EGLN1: variants seen among roughly 807,000 people sequenced by gnomAD.
EGLN1 encodes the protein egl nine homolog 1.
EGLN1 carries 17 observed loss-of-function variants against 38.3 expected under a neutral mutation model. The ratio of observed to expected loss-of-function variants is 0.44; its 90% CI spans 0.30 to 0.67. The LOEUF (loss-of-function observed/expected upper bound fraction) is 0.67. EGLN1 is among the 30% of genes least tolerant of loss of function. The pLI, the probability that EGLN1 is intolerant of heterozygous loss-of-function variation, is 0.08. For missense variants in EGLN1, 477 were observed against 603.3 expected (o/e 0.79, Z 2.19); for synonymous variants, 283 against 257.5 (o/e 1.10, Z -0.95).
At chr1:231,367,392 G>C (rs1687677440) in intron 4 of EGLN1, among the ~76,000 whole-genome samples, 177 bp downstream of exon 4, 1 of 152,126 alleles carries the variant, frequency 6.6e-6, no homozygotes, top group African/African-American at 2.4e-5. Flanking sequence ...TTTGGTTAAA[G>C]ATAACAGTGA....
chr1:231,389,515 A>G (rs963841594), intron 1 of EGLN1, among the ~76,000 whole-genome samples: 8 of 152,230 alleles, frequency 5.3e-5, no homozygotes, highest in African/African-American at 1.9e-4. Flanking sequence ...CACATTCCTC[A>G]TGGACTGTAA....
At chr1:231,391,254 A>G (rs1483270584) in intron 1 of EGLN1, among the ~76,000 whole-genome samples, 1 of 130,002 alleles carries the variant, frequency 7.7e-6, no homozygotes, top group Non-Finnish European at 1.7e-5. Flanking sequence ...CCCAGCTGGT[A>G]TATCTTTAAA....
At chr1:231,411,700 A>G (rs756391880) in intron 1 of EGLN1, among the ~76,000 whole-genome samples, 1 of 152,008 alleles carries the variant, frequency 6.6e-6, no homozygotes, top group East Asian at 1.9e-4. Flanking sequence ...TCCTATGCTC[A>G]AAAGTCCTGG....
intron 1 of EGLN1, among the ~76,000 whole-genome samples, chr1:231,415,782 G>C (rs1458605651): frequency 1.3e-5 from 2 of 151,952 alleles, no homozygotes; most frequent in African/African-American, 4.8e-5. Flanking sequence ...ACTGGACTAA[G>C]GATACAGAAA....
chr1:231,395,541 G>A (rs1370932951), intron 1 of EGLN1, among the ~76,000 whole-genome samples: 1 of 152,188 alleles, frequency 6.6e-6, no homozygotes, highest in African/African-American at 2.4e-5. Context: ...TGATTTTCAG[G>A]CAGTACTTGC....
chr1:231,395,497 T>C (rs949230570), intron 1 of EGLN1, among the ~76,000 whole-genome samples: 7 of 152,224 alleles, frequency 4.6e-5, no homozygotes, highest in Admixed American at 2.6e-4. Context: ...TGGACTCAGA[T>C]TGAACACTGA....
In EGLN1 at chr1:231,407,938, C is replaced by T. The variant is rs978894402; in HGVS notation, c.891+13060G>A. Among the ~76,000 whole-genome samples, 9 of 151,980 alleles carry T rather than the reference C, an allele frequency of 5.9e-5. No homozygotes were observed. The South Asian group carries it at 6.2e-4, about 11-fold the overall frequency. On this transcript the variant is annotated intron_variant, in intron 1 of 4. Transcript: ENST00000366641. ...AAAGTCCCACTACAGTTTTAGAAAT[C>T]GGATGGAAAGGTGGTAAAGCAGAGG...
intron 1 of EGLN1, among the ~76,000 whole-genome samples, chr1:231,383,757 T>G (rs564400098): frequency 6.6e-6 from 1 of 152,194 alleles, no homozygotes; most frequent in East Asian, 1.9e-4. Context: ...GTTGGCCAAC[T>G]GTGTTCAGTA....
chr1:231,420,755 C>T (rs2102946459), intron 1 of EGLN1, among the ~76,000 whole-genome samples: 1 of 152,226 alleles, frequency 6.6e-6, no homozygotes, highest in South Asian at 2.1e-4. Context: ...GTCAAAAAAC[C>T]ATGCAATTAG....
chr1:231,404,807 G>A (rs1238781797), intron 1 of EGLN1, among the ~76,000 whole-genome samples: 1 of 151,982 alleles, frequency 6.6e-6, no homozygotes, highest in Non-Finnish European at 1.5e-5. Context: ...ATCTGCTAAC[G>A]GAGAAGGCAT....
chr1:231,369,923 A>G (rs899104616), intron 3 of EGLN1, among the ~76,000 whole-genome samples: 2 of 152,234 alleles, frequency 1.3e-5, no homozygotes, highest in African/African-American at 4.8e-5. Context: ...ATTTTAATTG[A>G]GTCAGGATAA....
At chr1:231,405,369 G>C (rs982235846) in intron 1 of EGLN1, among the ~76,000 whole-genome samples, 1 of 151,884 alleles carries the variant, frequency 6.6e-6, no homozygotes, top group African/African-American at 2.4e-5. Flanking sequence ...AGTAGAGACA[G>C]GGTTTTACCA....
At chr1:231,378,780 A>C (rs1450891193) in intron 1 of EGLN1, among the ~76,000 whole-genome samples, 1 of 148,490 alleles carries the variant, frequency 6.7e-6, no homozygotes, top group African/African-American at 2.4e-5. Flanking sequence ...TTATTTTAAA[A>C]CAGGGATACA....
rs200502960 is a variant in EGLN1, at chr1:231,421,396, G to A, written c.493C>T (p.Pro165Ser). Residue 165 changes from proline (P) to serine (S), a missense_variant, in exon 1 of 5, where the codon CCA becomes TCA. Pro to Ser is a moderately conservative substitution (Grantham distance 74). This residue lies in a region of EGLN1 where 298 missense variants were observed against 288.9 expected (regional missense o/e 1.03). Coordinates refer to ENST00000366641, the MANE Select transcript of EGLN1 (RefSeq NM_022051.3). The surrounding 1 kb of genome is among the most constrained non-coding windows in gnomAD (Gnocchi z 5.5). Reference protein sequence around the residue: ...LFQEKANLYPPSNTPGDALSP... With the variant: ...LFQEKANLYPSSNTPGDALSP... ...AGCGCATCCCCGGGCGTGTTGCTTG[G>A]GGGGTACAGGTTCGCCTTCTCCTGG... 9 of 1,603,776 alleles carry A rather than the reference G, an allele frequency of 5.6e-6. No individual in the cohort carries two copies. The highest frequency in any genetic ancestry group is 1.7e-4 in the Middle Eastern group (1 of 6,036).
At chr1:231,400,647 G>C (rs1243447744) in intron 1 of EGLN1, among the ~76,000 whole-genome samples, 1 of 152,156 alleles carries the variant, frequency 6.6e-6, no homozygotes, top group African/African-American at 2.4e-5. Context: ...TTTTCCTTGA[G>C]TGTGAGTTTG....
intron 1 of EGLN1, among the ~76,000 whole-genome samples, chr1:231,413,901 C>G (rs1572051582): frequency 1.3e-5 from 2 of 152,112 alleles, no homozygotes; most frequent in Non-Finnish European, 2.9e-5. Flanking sequence ...GATCTCAAGT[C>G]AACAGACACT....
At chr1:231,411,644 C>A (rs1688945026) in intron 1 of EGLN1, among the ~76,000 whole-genome samples, 1 of 151,874 alleles carries the variant, frequency 6.6e-6, no homozygotes, top group African/African-American at 2.4e-5. Flanking sequence ...TAATGTTTAC[C>A]CATACTTTTG....
chr1:231,418,756 G>A (rs757071586), intron 1 of EGLN1, among the ~76,000 whole-genome samples: 8 of 151,842 alleles, frequency 5.3e-5, no homozygotes, highest in Non-Finnish European at 7.4e-5. Flanking sequence ...CCAGCTACTC[G>A]GAAGCTGAGA....
At chr1:231,412,860 T>C (rs528268106) in intron 1 of EGLN1, among the ~76,000 whole-genome samples, 3 of 152,196 alleles carry the variant, frequency 2.0e-5, no homozygotes, top group South Asian at 4.2e-4. Context: ...AAAACAATAA[T>C]TTCCTTCCAA....
Sources: gnomAD v4.1 joint callset for allele counts (sites outside exome capture counted in the v4.1 genomes callset) on GRCh38, gnomAD v4.1.1 for gene constraint, gnomAD v4.1.1 regional missense constraint, Gnocchi (gnomAD v3.1) non-coding constraint, MANE v1.5 for transcripts, NCBI Gene and HGNC (gene_info 2026-07-23, HGNC 2026-07-21) for gene names.